Variants in DGKH observed in about 807,000 individuals in gnomAD.
The protein encoded by DGKH is DAG kinase eta.
In DGKH, 90 loss-of-function variants were observed where a neutral mutation model predicts 159.3. The observed-to-expected ratio is 0.57, with a 90% confidence interval of 0.48 to 0.67. The LOEUF (loss-of-function observed/expected upper bound fraction) is 0.67, where lower values mean the gene tolerates loss of function less well. Among genes scored for constraint, DGKH ranks in the 30% least tolerant of loss-of-function variants. The pLI is 0.00. For synonymous variants in DGKH, 536 were observed against 553.8 expected (o/e 0.97, Z 0.45); for missense variants, 1,181 against 1,506.1 (o/e 0.78, Z 3.57).
intron 21 of DGKH, among the ~76,000 whole-genome samples, chr13:42,206,975 T>TTTCCTTTCTTTCTTTCTTTCTTTC (rs1555275938): frequency 1.2e-5 from 1 of 82,310 alleles, no homozygotes; most frequent in Admixed American, 1.4e-4. Flanking sequence ...TACTTTTACT[T>TTTCCTTTCTTTCTTTCTTTCTTTC]TTTCTTTCTT....
rs56413015 is a variant in DGKH, at chr13:42,051,646, C to CTTTTTT, written c.192+2706_192+2711dup. Reference sequence around the variant, plus strand: ...GGCCCTAAGATTAGCTCAAAGCCATCTTTTTTTTTTTTTTTTTTTTTTTTT... The same window carrying CTTTTTT: ...GGCCCTAAGATTAGCTCAAAGCCATCTTTTTTTTTTTTTTTTTTTTTTTTTTTTTTT... On this transcript the variant is annotated intron_variant, in intron 1 of 29. Coordinates refer to ENST00000337343, the MANE Select transcript of DGKH (RefSeq NM_178009.5). Among the ~76,000 whole-genome samples, 16 of 50,182 alleles carry CTTTTTT rather than the reference C, an allele frequency of 3.2e-4. 1 individual carries two copies. Among genetic ancestry groups the CTTTTTT allele is most frequent in the African/African-American group, 9.8e-4 (13 of 13,222 alleles). The allele number at this position is 50,182 out of a possible 152,430, so 32.9% of individuals were successfully genotyped here. A position where few individuals can be genotyped will look rare whatever the true frequency, so the allele number is the denominator to read the frequency against.
intron 1 of DGKH, among the ~76,000 whole-genome samples, chr13:42,101,639 G>A (rs1219399436): frequency 6.6e-6 from 1 of 152,076 alleles, no homozygotes; most frequent in Non-Finnish European, 1.5e-5. Context: ...ATTTACAGAT[G>A]GTCCAGAAGG....
chr13:42,137,842 T>G (rs949336801), intron 3 of DGKH, among the ~76,000 whole-genome samples: 1 of 152,324 alleles, frequency 6.6e-6, no homozygotes, highest in Non-Finnish European at 1.5e-5. Context: ...TTTTAAAAAT[T>G]TGGAAAAATG....
At chr13:42,198,888 T>G (rs1957275167) in intron 18 of DGKH, among the ~76,000 whole-genome samples, 1 of 152,190 alleles carries the variant, frequency 6.6e-6, no homozygotes, top group Admixed American at 6.5e-5. Flanking sequence ...CTTTACCTCC[T>G]TTCTTCTCAG....
intron 1 of DGKH, among the ~76,000 whole-genome samples, chr13:42,082,970 A>G (rs563375925): frequency 6.6e-6 from 1 of 152,314 alleles, no homozygotes; most frequent in East Asian, 1.9e-4. Flanking sequence ...TGGAAAGCTA[A>G]TAAGGTTTAT....
intron 1 of DGKH, among the ~76,000 whole-genome samples, chr13:42,094,550 G>T (rs1220587405): frequency 1.3e-5 from 2 of 152,126 alleles, no homozygotes; most frequent in African/African-American, 4.8e-5. Flanking sequence ...TTCACAAAGA[G>T]TTTACATTTT....
intron 30 of DGKH, chr13:42,256,198 C>A: frequency 1.6e-6 from 2 of 1,270,098 alleles, no homozygotes; most frequent in Non-Finnish European, 2.3e-6. Flanking sequence ...TTGGAGGCAG[C>A]AGTGGACATT....
intron 11 of DGKH, among the ~76,000 whole-genome samples, chr13:42,171,310 G>T (rs191968296): frequency 6.5e-4 from 99 of 152,114 alleles, no homozygotes; most frequent in Middle Eastern, 3.4e-3. Context: ...TGCAATCCCT[G>T]CTCTGTCTAG....
chr13:42,074,653 TCCATCCA>T (rs1883188126), intron 1 of DGKH, among the ~76,000 whole-genome samples: 1 of 42,042 alleles, frequency 2.4e-5, no homozygotes, highest in African/African-American at 1.5e-4. Flanking sequence ...TATCCGTCCA[TCCATCCA>T]TCCATCCATC....
chr13:42,122,369 T>C (rs1303586253), intron 1 of DGKH, among the ~76,000 whole-genome samples: 1 of 152,180 alleles, frequency 6.6e-6, no homozygotes. Context: ...TAGCTGGGCA[T>C]CTGGTGAGAG....
chr13:42,070,812 A>G, intron 1 of DGKH: 1 of 1,431,616 alleles, frequency 7.0e-7, no homozygotes. Flanking sequence ...GAGAGCCCAC[A>G]TCATCTGTTA....
chr13:42,159,242 C>CTGTTTTT, intron 5 of DGKH, 24 bp from the exon 6 acceptor site: 1 of 159,044 alleles, frequency 6.3e-6, no homozygotes. Context: ...AAAGCAGTTG[C>CTGTTTTT]TCTTTTTTTT....
At chr13:42,119,770 G>A (rs988318781) in intron 1 of DGKH, among the ~76,000 whole-genome samples, 7 of 151,916 alleles carry the variant, frequency 4.6e-5, no homozygotes, top group African/African-American at 1.7e-4. Flanking sequence ...ACATTGTTTT[G>A]CCATGTAATC....
chr13:42,249,074 T>A (rs535825432), intron 29 of DGKH, among the ~76,000 whole-genome samples: 1 of 152,354 alleles, frequency 6.6e-6, no homozygotes, highest in African/African-American at 2.4e-5. Context: ...TATTTTGTTT[T>A]AAAAAAATTA....
At chr13:42,119,782 G>T (rs2137822367) in intron 1 of DGKH, among the ~76,000 whole-genome samples, 2 of 152,218 alleles carry the variant, frequency 1.3e-5, no homozygotes, top group South Asian at 4.2e-4. Flanking sequence ...CATGTAATCT[G>T]TATGTTTTTA....
chr13:42,066,987 G>T (rs1882625738), intron 1 of DGKH, among the ~76,000 whole-genome samples: 1 of 151,846 alleles, frequency 6.6e-6, no homozygotes, highest in African/African-American at 2.4e-5. Flanking sequence ...TATAACATGT[G>T]ATGTTATATA....
chr13:42,186,838 C>A (rs1393249577), intron 13 of DGKH, among the ~76,000 whole-genome samples: 3 of 152,148 alleles, frequency 2.0e-5, no homozygotes, highest in African/African-American at 7.2e-5. Flanking sequence ...AAGTAATATA[C>A]AGCAAGGCTT....
chr13:42,049,146 CGG>C (rs1881049820), intron 1 of DGKH, among the ~76,000 whole-genome samples, 181 bp downstream of exon 1: 1 of 37,814 alleles, frequency 2.6e-5, no homozygotes, highest in Non-Finnish European at 5.1e-5. Flanking sequence ...GATGGTGAGA[CGG>C]TGAGGCGGGG....
intron 3 of DGKH, chr13:42,140,301 A>G (rs996051161): frequency 6.6e-6 from 1 of 152,432 alleles, no homozygotes; most frequent in South Asian, 2.1e-4. Flanking sequence ...TGTGTGTGCC[A>G]TGTTGTAGCT....
Sources: gnomAD v4.1 joint callset for allele counts (sites outside exome capture counted in the v4.1 genomes callset) on GRCh38, gnomAD v4.1.1 for gene constraint, MANE v1.5 for transcripts, NCBI Gene and HGNC (gene_info 2026-07-23, HGNC 2026-07-21) for gene names.